The following MMP26 variants were observed in gnomAD, a reference collection of about 807,000 sequenced individuals.
The protein encoded by MMP26 is matrix metallopeptidase 26.
MMP26 carries 33 observed loss-of-function variants against 31.0 expected under a neutral mutation model. The ratio of observed to expected loss-of-function variants is 1.06; its 90% confidence interval spans 0.81 to 1.42. MMP26 has a LOEUF of 1.42. Ranked by LOEUF, MMP26 falls within the 40% of genes most tolerant of loss-of-function variation. MMP26 has a pLI of 0.00. For missense variants in MMP26, 347 were observed against 316.1 expected (o/e 1.10, Z -0.74); for synonymous variants, 122 against 114.9 (o/e 1.06, Z -0.40).
At chr11:4,923,596 A>G (rs1239340337) in intron 2 of MMP26, 2 of 1,614,138 alleles carry the variant, frequency 1.2e-6, no homozygotes, top group Admixed American at 1.7e-5. Flanking sequence ...GCAGTACAGC[A>G]CAGATATGAG....
chr11:4,965,331 C>G (rs1364467395), intron 2 of MMP26, among the ~76,000 whole-genome samples: 4 of 152,098 alleles, frequency 2.6e-5, no homozygotes, highest in Non-Finnish European at 5.9e-5. Context: ...TAAAATATTA[C>G]ATTAAATTAT....
intron 2 of MMP26, among the ~76,000 whole-genome samples, chr11:4,799,976 G>T (rs1300423703): frequency 5.3e-5 from 8 of 152,346 alleles, no homozygotes; most frequent in African/African-American, 1.9e-4. Flanking sequence ...GCTTTGCAGG[G>T]TGTGGTCCCT....
chr11:4,822,050 G>A (rs776665610), intron 2 of MMP26: 8 of 1,613,558 alleles, frequency 5.0e-6, no homozygotes, highest in South Asian at 1.1e-5. Context: ...TCCACTACAG[G>A]GTTTGACTGC....
At chr11:4,914,677 A>G (rs781161620) in intron 2 of MMP26, 3 of 1,383,296 alleles carry the variant, frequency 2.2e-6, no homozygotes, top group Non-Finnish European at 3.0e-6. Context: ...TAGGCAAACA[A>G]GGGCACGTTT....
At chr11:4,965,534 A>G (rs995905283) in intron 2 of MMP26, among the ~76,000 whole-genome samples, 1 of 152,188 alleles carries the variant, frequency 6.6e-6, no homozygotes, top group African/African-American at 2.4e-5. Context: ...AAGTTTAATG[A>G]AAGTATTGTT....
chr11:4,985,112 G>C (rs985164496), intron 2 of MMP26, among the ~76,000 whole-genome samples: 4 of 152,118 alleles, frequency 2.6e-5, no homozygotes, highest in African/African-American at 4.8e-5. Context: ...TGATATTATT[G>C]ATGGAGATCT....
intron 2 of MMP26, among the ~76,000 whole-genome samples, chr11:4,812,568 G>T (rs905248756): frequency 2.6e-5 from 4 of 152,220 alleles, no homozygotes; most frequent in African/African-American, 9.6e-5. Flanking sequence ...TTCTTGTGAG[G>T]CTTTGATTAG....
intron 2 of MMP26, among the ~76,000 whole-genome samples, chr11:4,842,181 A>G (rs1238138139): frequency 1.3e-5 from 2 of 152,224 alleles, no homozygotes; most frequent in Admixed American, 6.5e-5. Context: ...AGAAAAAAAT[A>G]TTAAAATGCA....
At chr11:4,978,927 A>T (rs1391939222) in intron 2 of MMP26, among the ~76,000 whole-genome samples, 2 of 152,160 alleles carry the variant, frequency 1.3e-5, no homozygotes, top group Non-Finnish European at 2.9e-5. Flanking sequence ...CGAGAATAAG[A>T]TAGAATCTAC....
At chr11:4,973,531 A>G (rs935843130) in intron 2 of MMP26, 12 of 149,368 alleles carry the variant, frequency 8.0e-5, no homozygotes, top group African/African-American at 2.4e-4. Context: ...AGGACATTAT[A>G]AGAAGTACAG....
chr11:4,886,995 A>G (rs1589929713), intron 2 of MMP26, among the ~76,000 whole-genome samples: 1 of 152,036 alleles, frequency 6.6e-6, no homozygotes, highest in Non-Finnish European at 1.5e-5. Context: ...ATATGCACAC[A>G]AATATGAAAT....
chr11:4,951,856 C>A (rs1461495706), intron 2 of MMP26, among the ~76,000 whole-genome samples: 1 of 124,570 alleles, frequency 8.0e-6, no homozygotes. Context: ...GCTCTACTGC[C>A]TATTTGTCTG....
chr11:4,914,440 A>ATGAGGAG, intron 2 of MMP26: 1 of 350,564 alleles, frequency 2.9e-6, no homozygotes, highest in Non-Finnish European at 5.2e-6. Flanking sequence ...AGTAGACCCT[A>ATGAGGAG]TCTCTTTATG....
intron 2 of MMP26, among the ~76,000 whole-genome samples, chr11:4,901,702 C>G (rs1850804956): frequency 6.6e-6 from 1 of 152,064 alleles, no homozygotes. Context: ...TCCCTAAAAA[C>G]TTCTCTAATG....
chr11:4,908,407 G>GA, intron 2 of MMP26: 1 of 1,001,094 alleles, frequency 1.0e-6, no homozygotes, highest in East Asian at 2.5e-5. Flanking sequence ...AGGACTGGAT[G>GA]ATGGAAGTGA....
At chr11:4,848,335 G>C (rs759870307) in intron 2 of MMP26, 2 of 1,614,086 alleles carry the variant, frequency 1.2e-6, no homozygotes, top group East Asian at 4.5e-5. Flanking sequence ...TTTATCAATG[G>C]AGGAAGAAGG....
intron 2 of MMP26, among the ~76,000 whole-genome samples, chr11:4,957,529 G>T (rs1307660876): frequency 6.6e-6 from 1 of 151,936 alleles, no homozygotes; most frequent in Non-Finnish European, 1.5e-5. Flanking sequence ...TTCCCCCGAT[G>T]AGAAAAACTG....
At chr11:4,787,189 A>C (rs2133439175) in intron 2 of MMP26, 1 of 152,610 alleles carries the variant, frequency 6.6e-6, no homozygotes, top group South Asian at 2.1e-4. Context: ...AATTCTAAAG[A>C]TTGGTGTAGC....
chr11:4,983,070 T>A (rs1185531715), intron 2 of MMP26, among the ~76,000 whole-genome samples: 2 of 152,226 alleles, frequency 1.3e-5, no homozygotes, highest in Non-Finnish European at 2.9e-5. Flanking sequence ...TAAAGCAGGC[T>A]TTGTGTCTTA....
Sources: gnomAD v4.1 joint callset for allele counts (sites outside exome capture counted in the v4.1 genomes callset) on GRCh38, gnomAD v4.1.1 for gene constraint, MANE v1.5 for transcripts, NCBI Gene and HGNC (gene_info 2026-07-23, HGNC 2026-07-21) for gene names.